Variants in HPR observed in about 807,000 individuals in gnomAD.
The protein encoded by HPR is Haptoglobin-related locus.
In HPR, 17 loss-of-function variants were observed where a neutral mutation model predicts 18.5. That is an observed-to-expected ratio of 0.92 (90% CI 0.63 to 1.38). The LOEUF is 1.38. Ranked by LOEUF, HPR falls within the 40% of genes most tolerant of loss-of-function variation. The pLI, the probability that HPR is intolerant of heterozygous loss-of-function variation, is 0.00. For missense variants in HPR, 457 were observed against 432.4 expected (o/e 1.06, Z -0.51); for synonymous variants, 176 against 165.0 (o/e 1.07, Z -0.51).
At position 72,076,553 on chromosome 16, in the gene HPR, A is replaced by G. The variant is rs776618520; in HGVS notation, c.519A>G (p.Val173=). The change falls in exon 5 of 5, where the codon GTA becomes GTG. Residue 173 remains valine (V), a synonymous_variant. Coordinates refer to ENST00000540303, the MANE Select transcript of HPR (RefSeq NM_020995.4). The part of the protein sequence containing the change: ...LTLYVGKKQL[V]EIEKVVLHPN... ...TCTATGTGGGGAAAAAGCAGCTTGT[A>G]GAGATTGAGAAGGTGGTTCTACACC... The G allele has an allele frequency of 5.6e-6, 9 of 1,614,206 alleles. No homozygotes were observed. The South Asian group carries it at 7.7e-5, about 14-fold the overall frequency.
At chr16:72,075,731 A>T (rs1485280118) in intron 4 of HPR, among the ~76,000 whole-genome samples, 1 of 152,222 alleles carries the variant, frequency 6.6e-6, no homozygotes, top group Admixed American at 6.5e-5. Context: ...ATTAACTGCA[A>T]CATCTATAAA....
At chr16:72,072,048 G>A (rs1226856535) in intron 1 of HPR, among the ~76,000 whole-genome samples, 1 of 150,400 alleles carries the variant, frequency 6.6e-6, no homozygotes, top group African/African-American at 2.4e-5. Flanking sequence ...TGCTCTTGTT[G>A]CCCAGGCTGG....
intron 1 of HPR, 191 bp from the exon 2 acceptor site, chr16:72,073,701 G>C: frequency 6.7e-7 from 1 of 1,492,164 alleles, no homozygotes; most frequent in Non-Finnish European, 9.0e-7. Context: ...CGGAGGGTGG[G>C]GGCAACTTCT....
chr16:72,071,942 C>T (rs951082350), intron 1 of HPR, among the ~76,000 whole-genome samples: 3 of 152,142 alleles, frequency 2.0e-5, no homozygotes, highest in African/African-American at 4.8e-5. Flanking sequence ...GATTTGAATC[C>T]ACGTTCTTCT....
intron 1 of HPR, among the ~76,000 whole-genome samples, chr16:72,064,598 A>T (rs768502927): frequency 1.2e-4 from 19 of 152,332 alleles, no homozygotes; most frequent in Middle Eastern, 3.4e-3. Context: ...AGGACACAGT[A>T]GCAGGGACAA....
At chr16:72,072,282 A>C (rs1305973970) in intron 1 of HPR, among the ~76,000 whole-genome samples, 1 of 152,212 alleles carries the variant, frequency 6.6e-6, no homozygotes, top group Non-Finnish European at 1.5e-5. Context: ...TGCTGGGATT[A>C]CAGGCATCAG....
intron 1 of HPR, chr16:72,073,687 G>A (rs570270203): frequency 1.4e-4 from 206 of 1,464,810 alleles, no homozygotes; most frequent in Non-Finnish European, 1.8e-4. Context: ...GCGTGTATGT[G>A]GGGCGGAGGG....
chr16:72,064,143 C>T (rs145021088), intron 1 of HPR, among the ~76,000 whole-genome samples: 21 of 152,284 alleles, frequency 1.4e-4, no homozygotes, highest in Non-Finnish European at 2.4e-4. Flanking sequence ...CCATGGCCAC[C>T]GTCCTGCTTT....
rs372399422 is a variant in HPR at position 72,068,922 on chromosome 16, A to G, written c.6-4970A>G. On this transcript the variant is annotated intron_variant, in intron 1 of 4. Transcript: ENST00000540303. ...TATGTCTAGATTTAATTGACTACCA[A>G]ACAAAACTCAGGCCAGATCTAGGAA... Among the ~76,000 whole-genome samples, 225 of 152,262 alleles carry G rather than the reference A, an allele frequency of 1.5e-3. 5 individuals are homozygous for G. The South Asian group carries it at 0.045, about 30-fold the overall frequency.
intron 3 of HPR, chr16:72,074,662 G>A (rs2041698075): frequency 2.8e-6 from 2 of 708,890 alleles, no homozygotes; most frequent in Non-Finnish European, 5.2e-6. Context: ...AGCAGATGTG[G>A]GAAAAGAAGG....
intron 1 of HPR, among the ~76,000 whole-genome samples, chr16:72,071,537 C>T (rs961196125): frequency 6.6e-6 from 1 of 152,136 alleles, no homozygotes; most frequent in Non-Finnish European, 1.5e-5. Context: ...CGAGGGCCAT[C>T]AGCTTCCGTT....
At chr16:72,066,603 A>G (rs1376962040) in intron 1 of HPR, among the ~76,000 whole-genome samples, 2 of 152,182 alleles carry the variant, frequency 1.3e-5, no homozygotes, top group African/African-American at 4.8e-5. Flanking sequence ...AAGATGAGGG[A>G]CCTATAAGAT....
chr16:72,074,449 G>A, intron 3 of HPR, 64 bp downstream of exon 3: 3 of 1,366,882 alleles, frequency 2.2e-6, no homozygotes, highest in Non-Finnish European at 3.1e-6. Context: ...TTCCATGATG[G>A]GTGGTGCTGA....
rs372593602 is a variant in HPR, at chr16:72,076,342, G to A, written c.308G>A (p.Arg103Gln). Residue 103 changes from arginine (R) to glutamine (Q), a missense_variant, in exon 5 of 5, where the codon CGG becomes CAG. Arg to Gln is a conservative substitution (Grantham distance 43). Transcript: ENST00000540303. ...KPKNPANPVQ[R>Q]ILGGHLDAKG... ...AAGAATCCGGCAAACCCAGTGCAGC[G>A]GATCCTGGGTGGACACCTGGATGCC... The A allele has an allele frequency of 1.1e-4, 179 of 1,613,898 alleles. 1 individual carries two copies. The African/African-American group carries it at 1.5e-3, about 14-fold the overall frequency.
intron 1 of HPR, among the ~76,000 whole-genome samples, chr16:72,068,222 GGGGTTAC>G (rs762154271): frequency 3.3e-5 from 5 of 152,160 alleles, no homozygotes; most frequent in Non-Finnish European, 7.3e-5. Context: ...TACAGTTCGA[GGGGTTAC>G]GGGTCTCAAA....
At chr16:72,072,535 G>A (rs905353588) in intron 1 of HPR, among the ~76,000 whole-genome samples, 1 of 152,144 alleles carries the variant, frequency 6.6e-6, no homozygotes, top group African/African-American at 2.4e-5. Flanking sequence ...CTTATCAAAT[G>A]AGCTAGCCAA....
chr16:72,068,993 C>T (rs1376277957), intron 1 of HPR, among the ~76,000 whole-genome samples: 3 of 152,144 alleles, frequency 2.0e-5, no homozygotes, highest in African/African-American at 7.2e-5. Context: ...GATGGTTCCT[C>T]CCAGCTGATT....
intron 1 of HPR, chr16:72,073,666 A>T: frequency 7.1e-7 from 1 of 1,413,148 alleles, no homozygotes; most frequent in Non-Finnish European, 9.3e-7. Flanking sequence ...GTATGCTCAG[A>T]AGCAGCTAAA....
Position 72,076,807 on chromosome 16 carries a change from G to C in HPR, c.773G>C (p.Ser258Thr). Residue 258 changes from serine to threonine, a missense_variant, in exon 5 of 5, where the codon AGC (serine) becomes ACC (threonine). Transcript: ENST00000540303. ...GATTGCATAACGCATTATGAAGGCA[G>C]CACATGCCCCAAATGGAAGGCACCG... Reference protein sequence around the residue: ...QYDCITHYEGSTCPKWKAPKS... With the variant: ...QYDCITHYEGTTCPKWKAPKS... 6.2e-7 allele frequency: 1 copy of C among 1,614,242 alleles called. No homozygotes were observed. Among genetic ancestry groups the C allele is most frequent in the Non-Finnish European group, 8.5e-7 (1 of 1,180,054 alleles).
Sources: allele counts gnomAD v4.1 joint callset (sites outside exome capture counted in the v4.1 genomes callset), GRCh38; gene constraint gnomAD v4.1.1; transcripts MANE v1.5; gene names NCBI Gene and HGNC (gene_info 2026-07-23, HGNC 2026-07-21).